Variants in TIMM23B observed in about 807,000 individuals in gnomAD.
The protein encoded by TIMM23B is translocase of inner mitochondrial membrane 23 homolog B.
A neutral mutation model predicts 27.3 loss-of-function variants in TIMM23B; 27 were observed. That is an observed-to-expected ratio of 0.99 (90% CI 0.73 to 1.36). The LOEUF is 1.36. Among genes scored for constraint, TIMM23B ranks in the 40% most tolerant of loss-of-function variants. TIMM23B has a pLI of 0.00. For missense variants in TIMM23B, 205 were observed against 244.2 expected (o/e 0.84, Z 1.07); for synonymous variants, 73 against 92.4 (o/e 0.79, Z 1.21).
At chr10:49,954,725 G>A (rs1234731105) in intron 4 of TIMM23B, among the ~76,000 whole-genome samples, 1 of 134,068 alleles carries the variant, frequency 7.5e-6, no homozygotes, top group Non-Finnish European at 1.6e-5. Context: ...TTAATAATAA[G>A]AGTTTTCCTT....
At chr10:49,953,459 C>T (rs1839608783) in intron 4 of TIMM23B, among the ~76,000 whole-genome samples, 1 of 152,322 alleles carries the variant, frequency 6.6e-6, no homozygotes, top group South Asian at 2.1e-4. Flanking sequence ...GATCCTCCCA[C>T]CTCAGCCTCC....
At position 49,952,136 on chromosome 10, in the gene TIMM23B, A is replaced by C; in HGVS notation, c.176A>C (p.Glu59Ala). Residue 59 changes from glutamate (E) to alanine (A), a missense_variant, in exon 3 of 7, where the codon GAG becomes GCG. By Grantham distance (107) the Glu-to-Ala change is moderately radical. Transcript: ENST00000651259. Reference sequence around the variant, plus strand: ...TTATTATCCTTTTAGGATACAGATGAGTTCATTTTACCTACCGGAGCTAAT... The same window carrying C: ...TTATTATCCTTTTAGGATACAGATGCGTTCATTTTACCTACCGGAGCTAAT... ...DPRYLVQDTD[E>A]FILPTGANKT... The C allele has an allele frequency of 6.3e-7, 1 of 1,597,620 alleles. No individual in the cohort carries two copies.
intron 2 of TIMM23B, among the ~76,000 whole-genome samples, chr10:49,947,240 G>A (rs1450381524): frequency 1.3e-5 from 2 of 152,220 alleles, no homozygotes; most frequent in African/African-American, 4.8e-5. Context: ...GACACCAAAA[G>A]CACAAGTGGT....
rs1299013560 is a variant in TIMM23B, at chr10:49,951,125, T to C, written c.166-1001T>C. Among the ~76,000 whole-genome samples the C allele has an allele frequency of 4.9e-3, 747 of 152,270 alleles. 11 individuals carry two copies. Among genetic ancestry groups the C allele is most frequent in the Middle Eastern group, 0.027 (8 of 294 alleles). Reference sequence around the variant, plus strand: ...TTCTTATGTGATGAGAGTGGATGTGTTTGTTTACTTTTGCAATTTTTGGTG... The same window carrying C: ...TTCTTATGTGATGAGAGTGGATGTGCTTGTTTACTTTTGCAATTTTTGGTG... On this transcript the variant is annotated intron_variant, in intron 2 of 6. Coordinates refer to ENST00000651259, the MANE Select transcript of TIMM23B (RefSeq NM_001290117.2).
At chr10:49,947,719 A>G (rs1326919209) in intron 2 of TIMM23B, among the ~76,000 whole-genome samples, 5 of 152,300 alleles carry the variant, frequency 3.3e-5, no homozygotes, top group Non-Finnish European at 4.4e-5. Flanking sequence ...ACTTGAGCCC[A>G]GGAGTTTGAG....
intron 1 of TIMM23B, among the ~76,000 whole-genome samples, chr10:49,943,689 A>G (rs1405990735): frequency 6.7e-5 from 10 of 148,936 alleles, no homozygotes; most frequent in African/African-American, 2.0e-4. Context: ...GAGCTTTTAC[A>G]GTGTGCTAGC....
chr10:49,948,166 A>G (rs1293047953), intron 2 of TIMM23B, among the ~76,000 whole-genome samples: 3 of 152,210 alleles, frequency 2.0e-5, no homozygotes, highest in South Asian at 2.1e-4. Flanking sequence ...TAAAACCACA[A>G]TGAGATGCCT....
intron 6 of TIMM23B, 29 bp downstream of exon 6, chr10:49,958,509 CTT>C: frequency 6.2e-7 from 1 of 1,605,046 alleles, no homozygotes; most frequent in South Asian, 1.1e-5. Flanking sequence ...GGAGCCATCT[CTT>C]AATATACTTG....
intron 6 of TIMM23B, among the ~76,000 whole-genome samples, chr10:49,967,173 T>G (rs1356428845): frequency 6.6e-6 from 1 of 152,120 alleles, no homozygotes; most frequent in Non-Finnish European, 1.5e-5. Context: ...CCACCCTGCC[T>G]TGGCCTCCCA....
chr10:49,956,535 C>G lies in TIMM23B; in HGVS notation c.403+1475C>G, dbSNP rs1392393507. Among the ~76,000 whole-genome samples the G allele has an allele frequency of 2.1e-5, 3 of 143,230 alleles. 1 individual carries two copies. The highest frequency in any genetic ancestry group is 4.7e-5 in the Non-Finnish European group (3 of 64,200). The allele number at this position is 143,230 out of a possible 152,430, so 94.0% of individuals were successfully genotyped here. A position where few individuals can be genotyped will look rare whatever the true frequency, so the allele number is the denominator to read the frequency against. Reference sequence around the variant, plus strand: ...CATATAAATGAAAATTTTAAATATTCTTCCTGAGACTTCCTAGCGGTACTT... The same window carrying G: ...CATATAAATGAAAATTTTAAATATTGTTCCTGAGACTTCCTAGCGGTACTT... On this transcript the variant is annotated intron_variant, in intron 5 of 6. Transcript: ENST00000651259.
intron 6 of TIMM23B, among the ~76,000 whole-genome samples, chr10:49,971,923 A>G (rs1554856661): frequency 2.0e-5 from 3 of 152,156 alleles, no homozygotes; most frequent in East Asian, 1.9e-4. Context: ...AACACTTACT[A>G]TGCTTCAAGA....
intron 2 of TIMM23B, among the ~76,000 whole-genome samples, chr10:49,949,123 C>T (rs1380570613): frequency 4.6e-5 from 7 of 151,062 alleles, no homozygotes; most frequent in Non-Finnish European, 1.0e-4. Flanking sequence ...TCTCTTAACT[C>T]CTGGCCTCAA....
intron 2 of TIMM23B, among the ~76,000 whole-genome samples, chr10:49,946,785 C>CT (rs1157884131): frequency 2.0e-5 from 3 of 149,168 alleles, no homozygotes; most frequent in African/African-American, 7.5e-5. Flanking sequence ...TCCCAGCTGG[C>CT]TTTTTTGCAG....
intron 1 of TIMM23B, among the ~76,000 whole-genome samples, chr10:49,942,512 G>A (rs1388567601): frequency 6.6e-6 from 1 of 152,160 alleles, no homozygotes; most frequent in Non-Finnish European, 1.5e-5. Context: ...GAAGCTGTCC[G>A]TGATTGACCT....
intron 6 of TIMM23B, chr10:49,972,661 C>T: frequency 7.4e-6 from 2 of 269,926 alleles, no homozygotes; most frequent in Admixed American, 5.0e-5. Flanking sequence ...ACTTAAAGCA[C>T]AAATCCAAGG....
At position 49,968,786 on chromosome 10, in the gene TIMM23B, G is replaced by C. The variant is rs1198353182; in HGVS notation, c.515-4226G>C. 3.3e-5 allele frequency among the ~76,000 whole-genome samples: 5 copies of C among 152,158 alleles called. 1 individual carries two copies. Among genetic ancestry groups the C allele is most frequent in the Middle Eastern group, 3.4e-3 (1 of 294 alleles). ...GGAGGCAAGGCTTGCAGTGAGCCGA[G>C]ATTGCACCACTGCACTCCAGCCTGG... On this transcript the variant is annotated intron_variant, in intron 6 of 6. Coordinates refer to ENST00000651259, the MANE Select transcript of TIMM23B (RefSeq NM_001290117.2).
At chr10:49,944,496 C>T (rs1223965053) in intron 1 of TIMM23B, among the ~76,000 whole-genome samples, 2 of 151,780 alleles carry the variant, frequency 1.3e-5, no homozygotes, top group African/African-American at 4.8e-5. Flanking sequence ...TTTTCTTTTG[C>T]ACAGACCCAC....
At chr10:49,961,745 G>A (rs1216844233) in intron 6 of TIMM23B, among the ~76,000 whole-genome samples, 6 of 151,258 alleles carry the variant, frequency 4.0e-5, no homozygotes, top group East Asian at 1.9e-4. Flanking sequence ...GACTACAGGT[G>A]CATGCCACCA....
intron 1 of TIMM23B, among the ~76,000 whole-genome samples, chr10:49,943,899 C>T (rs1483825442): frequency 1.2e-3 from 176 of 152,158 alleles, no homozygotes; most frequent in Non-Finnish European, 2.8e-4. Flanking sequence ...AAGCAGGATG[C>T]CATTTTAGAG....
Sources: gnomAD v4.1 joint callset for allele counts (sites outside exome capture counted in the v4.1 genomes callset) on GRCh38, gnomAD v4.1.1 for gene constraint, MANE v1.5 for transcripts, NCBI Gene and HGNC (gene_info 2026-07-23, HGNC 2026-07-21) for gene names.